Variants in EXOC6B observed in about 807,000 individuals in gnomAD.
The protein encoded by EXOC6B is exocyst complex component 6B.
A neutral mutation model predicts 113.5 loss-of-function variants in EXOC6B; 54 were observed. The ratio of observed to expected loss-of-function variants is 0.48; its 90% CI spans 0.38 to 0.60. The LOEUF (loss-of-function observed/expected upper bound fraction) is 0.60. Among genes scored for constraint, EXOC6B ranks in the 20% least tolerant of loss-of-function variants. The pLI, the probability that EXOC6B is intolerant of heterozygous loss-of-function variation, is 0.00. For synonymous variants in EXOC6B, 357 were observed against 339.0 expected (o/e 1.05, Z -0.58); for missense variants, 797 against 977.5 (o/e 0.82, Z 2.46).
At chr2:72,634,576 A>G (rs1031300385) in intron 6 of EXOC6B, among the ~76,000 whole-genome samples, 1 of 152,202 alleles carries the variant, frequency 6.6e-6, no homozygotes, top group Non-Finnish European at 1.5e-5. Flanking sequence ...TAGAATGGTA[A>G]GCAGAAATAG....
At chr2:72,461,706 G>A (rs530467739) in intron 18 of EXOC6B, 1 of 151,936 alleles carries the variant, frequency 6.6e-6, no homozygotes, top group Non-Finnish European at 1.5e-5. Context: ...ATTCTAAAAG[G>A]GGAATTACAT....
chr2:72,656,922 G>A (rs1674620395), intron 6 of EXOC6B, among the ~76,000 whole-genome samples: 1 of 152,018 alleles, frequency 6.6e-6, no homozygotes. Flanking sequence ...AGTGATCTCG[G>A]CTCACTGCAA....
intron 18 of EXOC6B, among the ~76,000 whole-genome samples, chr2:72,446,862 G>A (rs1696613585): frequency 6.6e-6 from 1 of 152,186 alleles, no homozygotes; most frequent in African/African-American, 2.4e-5. Context: ...AGAACTTTGG[G>A]AGGCCGAGGC....
At chr2:72,410,455 T>G (rs1352138444) in intron 18 of EXOC6B, among the ~76,000 whole-genome samples, 1 of 152,210 alleles carries the variant, frequency 6.6e-6, no homozygotes, top group East Asian at 1.9e-4. Context: ...AACACTTAGG[T>G]TAGTATCAAG....
At chr2:72,415,421 A>G (rs1694461954) in intron 18 of EXOC6B, among the ~76,000 whole-genome samples, 1 of 152,198 alleles carries the variant, frequency 6.6e-6, no homozygotes, top group Non-Finnish European at 1.5e-5. Flanking sequence ...TAGATAAAAC[A>G]AACAGAAAAC....
intron 20 of EXOC6B, among the ~76,000 whole-genome samples, chr2:72,271,078 A>G (rs766231518): frequency 2.0e-5 from 3 of 152,174 alleles, no homozygotes; most frequent in Non-Finnish European, 2.9e-5. Flanking sequence ...GACAGTGCCT[A>G]TTGTTTTAGC....
rs113344290 is a variant in EXOC6B, at chr2:72,491,084, T to G, written c.1665+1234A>C. ...GACTTCCTAATTTTCACTCCAACCTTCCTTTTCTGTAACCTTCTTGATTAT... is the reference window on the plus strand; with the variant it reads ...GACTTCCTAATTTTCACTCCAACCTGCCTTTTCTGTAACCTTCTTGATTAT... On this transcript the variant is annotated intron_variant, in intron 16 of 21. Transcript: ENST00000272427. Among the ~76,000 whole-genome samples, 511 of 152,308 alleles carry G rather than the reference T, an allele frequency of 3.4e-3. 2 individuals are homozygous for G. Among genetic ancestry groups the G allele is most frequent in the African/African-American group, 0.012 (488 of 41,574 alleles).
chr2:72,474,169 T>C (rs549824450), intron 17 of EXOC6B, among the ~76,000 whole-genome samples: 2 of 152,242 alleles, frequency 1.3e-5, no homozygotes, highest in South Asian at 4.1e-4. Flanking sequence ...GGTAACTAGA[T>C]GCTTTTCTCT....
intron 6 of EXOC6B, among the ~76,000 whole-genome samples, chr2:72,690,836 A>G (rs922932874): frequency 2.0e-5 from 3 of 152,182 alleles, no homozygotes; most frequent in African/African-American, 7.2e-5. Flanking sequence ...GTGTCTCCCA[A>G]AAATATTTGT....
At chr2:72,727,439 A>G (rs531108187) in intron 5 of EXOC6B, among the ~76,000 whole-genome samples, 1 of 152,322 alleles carries the variant, frequency 6.6e-6, no homozygotes, top group East Asian at 1.9e-4. Context: ...ACAGTTCCAG[A>G]CTGAAAAAGA....
chr2:72,705,398 T>A (rs1678783993), intron 6 of EXOC6B, among the ~76,000 whole-genome samples: 1 of 152,084 alleles, frequency 6.6e-6, no homozygotes, highest in Admixed American at 6.6e-5. Context: ...CTGGAAGCAT[T>A]CCCTTTGAAA....
chr2:72,709,796 G>A (rs1377182243), intron 6 of EXOC6B, among the ~76,000 whole-genome samples: 1 of 151,680 alleles, frequency 6.6e-6, no homozygotes, highest in African/African-American at 2.4e-5. Flanking sequence ...AATTTCTACG[G>A]TTTAGATTGC....
intron 6 of EXOC6B, among the ~76,000 whole-genome samples, chr2:72,651,806 A>G (rs541773158): frequency 1.3e-5 from 2 of 152,054 alleles, no homozygotes; most frequent in Non-Finnish European, 2.9e-5. Context: ...TGTGTTATCC[A>G]GGGTGGTCTC....
At chr2:72,375,680 C>T (rs1178355764) in intron 19 of EXOC6B, among the ~76,000 whole-genome samples, 1 of 151,852 alleles carries the variant, frequency 6.6e-6, no homozygotes, top group East Asian at 1.9e-4. Context: ...ACAATAATTT[C>T]TAATACTAAA....
At position 72,718,138 on chromosome 2, in the gene EXOC6B, G is replaced by A. The variant is rs750621186; in HGVS notation, c.634C>T (p.His212Tyr). 3 of 1,613,152 alleles carry A rather than the reference G, an allele frequency of 1.9e-6. No homozygotes were observed. The highest frequency in any genetic ancestry group is 1.7e-5 in the Admixed American group (1 of 59,936). ...GCAGTCTCTCCAATTTTGTCTGAAT[G>A]TTTGCGGATGCTCTCCAGAAAGTCT... Reference protein sequence around the residue: ...LKDFLESIRKHSDKIGETAMK... With the variant: ...LKDFLESIRKYSDKIGETAMK... Residue 212 changes from histidine (H) to tyrosine (Y), a missense_variant, in exon 6 of 22, where the codon CAT becomes TAT. Transcript: ENST00000272427.
At chr2:72,776,144 A>AC (rs771717235) in intron 1 of EXOC6B, among the ~76,000 whole-genome samples, 50 of 152,312 alleles carry the variant, frequency 3.3e-4, no homozygotes, top group Non-Finnish European at 6.5e-4. Flanking sequence ...AATTTCTTAT[A>AC]ACTGTATGTG....
intron 18 of EXOC6B, among the ~76,000 whole-genome samples, chr2:72,392,204 A>G (rs530318437): frequency 6.0e-4 from 91 of 152,264 alleles, no homozygotes; most frequent in African/African-American, 2.0e-3. Flanking sequence ...GCATGCATTC[A>G]TCAGCTGGTA....
intron 20 of EXOC6B, among the ~76,000 whole-genome samples, chr2:72,287,551 GT>G (rs1685517532): frequency 6.6e-6 from 1 of 151,630 alleles, no homozygotes; most frequent in Non-Finnish European, 1.5e-5. Flanking sequence ...ATAAACCTCC[GT>G]CAATAATGTG....
At position 72,419,088 on chromosome 2, in the gene EXOC6B, TG is replaced by T. The variant is rs375928034; in HGVS notation, c.1981-39219del. 3.7e-4 allele frequency among the ~76,000 whole-genome samples: 56 copies of T among 151,924 alleles called. No individual in the cohort carries two copies. The East Asian group carries it at 0.01, about 28-fold the overall frequency. ...TAACTTAAGAAATAAACAAAAACTC[TG>T]TTCCTTTATAGCTCGATCTCCACCC... On this transcript the variant is annotated intron_variant, in intron 18 of 21. Transcript: ENST00000272427.
Sources: gnomAD v4.1 joint callset for allele counts (sites outside exome capture counted in the v4.1 genomes callset) on GRCh38, gnomAD v4.1.1 for gene constraint, MANE v1.5 for transcripts, NCBI Gene and HGNC (gene_info 2026-07-23, HGNC 2026-07-21) for gene names.